The following PXDNL variants were observed in gnomAD, a reference collection of about 807,000 sequenced individuals.
The protein encoded by PXDNL is probable oxidoreductase PXDNL.
A neutral mutation model predicts 150.8 loss-of-function variants in PXDNL; 145 were observed. The ratio of observed to expected loss-of-function variants is 0.96; its 90% CI spans 0.84 to 1.10. The LOEUF is 1.10. PXDNL is among the 50% of genes least tolerant of loss of function. The pLI is 0.00. For synonymous variants in PXDNL, 757 were observed against 725.7 expected (o/e 1.04, Z -0.69); for missense variants, 2,087 against 1,873.9 (o/e 1.11, Z -2.10).
At chr8:51,648,624 T>A (rs1045616997) in intron 2 of PXDNL, among the ~76,000 whole-genome samples, 3 of 152,244 alleles carry the variant, frequency 2.0e-5, no homozygotes, top group Admixed American at 2.0e-4. Flanking sequence ...TTTGGTGATT[T>A]TTTTTAAAGC....
intron 2 of PXDNL, among the ~76,000 whole-genome samples, chr8:51,652,587 T>G (rs1021904094): frequency 2.6e-5 from 4 of 152,164 alleles, no homozygotes; most frequent in African/African-American, 9.7e-5. Context: ...GTCCAGCAGT[T>G]AACAGATCAA....
chr8:51,780,346 G>C (rs372148741), intron 1 of PXDNL, among the ~76,000 whole-genome samples: 1 of 152,182 alleles, frequency 6.6e-6, no homozygotes, highest in Admixed American at 6.5e-5. Flanking sequence ...CCACCAAAAT[G>C]AAATAATATA....
intron 19 of PXDNL, among the ~76,000 whole-genome samples, chr8:51,357,795 T>A (rs1006772479): frequency 6.6e-6 from 1 of 152,204 alleles, no homozygotes; most frequent in African/African-American, 2.4e-5. Flanking sequence ...TGTTTTTGAG[T>A]AGGTAAGAAA....
At chr8:51,433,288 T>C (rs1007363443) in intron 12 of PXDNL, among the ~76,000 whole-genome samples, 1 of 150,974 alleles carries the variant, frequency 6.6e-6, no homozygotes, top group African/African-American at 2.4e-5. Context: ...AATGTAATTT[T>C]CTATTGTTTT....
chr8:51,560,593 T>C (rs1352215611), intron 3 of PXDNL, among the ~76,000 whole-genome samples: 2 of 151,898 alleles, frequency 1.3e-5, no homozygotes, highest in African/African-American at 4.8e-5. Flanking sequence ...TTGGGAAAAC[T>C]AGCTCTCCAC....
At chr8:51,523,458 GCTA>G (rs1184492812) in intron 4 of PXDNL, among the ~76,000 whole-genome samples, 3 of 152,162 alleles carry the variant, frequency 2.0e-5, no homozygotes, top group Non-Finnish European at 4.4e-5. Context: ...ATTGTGTTCT[GCTA>G]CTAACTTATC....
chr8:51,641,464 G>A (rs1814753326), intron 2 of PXDNL, among the ~76,000 whole-genome samples: 1 of 151,874 alleles, frequency 6.6e-6, no homozygotes, highest in South Asian at 2.1e-4. Flanking sequence ...ATCTGACAAA[G>A]GGCTAATATT....
intron 1 of PXDNL, among the ~76,000 whole-genome samples, chr8:51,783,345 T>C (rs2129250613): frequency 6.6e-6 from 1 of 152,356 alleles, no homozygotes; most frequent in East Asian, 1.9e-4. Flanking sequence ...CTTCTGCTGC[T>C]GAGTCGAATA....
At chr8:51,637,647 G>A (rs552966344) in intron 2 of PXDNL, among the ~76,000 whole-genome samples, 9 of 152,252 alleles carry the variant, frequency 5.9e-5, no homozygotes, top group African/African-American at 1.7e-4. Flanking sequence ...GAGAAGTTTA[G>A]AGAAAAAAGA....
At chr8:51,426,622 C>T (rs759681092) in intron 13 of PXDNL, 24 bp downstream of exon 13, 68 of 1,293,618 alleles carry the variant, frequency 5.3e-5, no homozygotes, top group Non-Finnish European at 7.1e-5. Context: ...TTTAATATTA[C>T]TGTACTTTTA....
intron 1 of PXDNL, among the ~76,000 whole-genome samples, chr8:51,689,817 C>T (rs1346646184): frequency 2.6e-5 from 4 of 152,204 alleles, no homozygotes; most frequent in African/African-American, 9.6e-5. Flanking sequence ...TCCACTGAGG[C>T]ACAGTGTGGG....
At chr8:51,647,491 C>T (rs972973991) in intron 2 of PXDNL, among the ~76,000 whole-genome samples, 1 of 152,110 alleles carries the variant, frequency 6.6e-6, no homozygotes, top group African/African-American at 2.4e-5. Flanking sequence ...ACTGTGCAAG[C>T]CTTTTGAAAA....
chr8:51,488,358 G>A (rs1407264058), intron 5 of PXDNL, among the ~76,000 whole-genome samples: 1 of 152,132 alleles, frequency 6.6e-6, no homozygotes, highest in African/African-American at 2.4e-5. Context: ...AACAGTTACG[G>A]CAGGGGCAGA....
At chr8:51,426,863 C>A in intron 12 of PXDNL, 105 bp from the exon 13 acceptor site, 4 of 631,692 alleles carry the variant, frequency 6.3e-6, no homozygotes, top group Admixed American at 3.0e-5. Context: ...TGGTTAAGCA[C>A]ACTAGTTTTT....
chr8:51,414,544 G>C (rs1468004980), intron 14 of PXDNL, among the ~76,000 whole-genome samples: 1 of 151,572 alleles, frequency 6.6e-6, no homozygotes, highest in Admixed American at 6.6e-5. Context: ...CAGCCTTTAT[G>C]ATGACCACAA....
chr8:51,743,906 A>AG (rs2036933640), intron 1 of PXDNL, among the ~76,000 whole-genome samples: 8 of 125,946 alleles, frequency 6.4e-5, no homozygotes, highest in South Asian at 2.9e-4. Context: ...CTGCTGAGAG[A>AG]GAAAGGAAGG....
intron 15 of PXDNL, 43 bp downstream of exon 15, chr8:51,413,107 G>T: frequency 8.4e-7 from 1 of 1,194,226 alleles, no homozygotes; most frequent in Non-Finnish European, 1.2e-6. Flanking sequence ...AAGTAGAACA[G>T]AAATGAAAAC....
At chr8:51,745,024 AAG>A (rs2036968190) in intron 1 of PXDNL, among the ~76,000 whole-genome samples, 1 of 149,662 alleles carries the variant, frequency 6.7e-6, no homozygotes, top group Non-Finnish European at 1.5e-5. Flanking sequence ...GGAAGAAAGA[AAG>A]AAATCAATTT....
chr8:51,377,818 G>A lies in PXDNL; in HGVS notation c.3558-3087C>T, dbSNP rs547024166. Among the ~76,000 whole-genome samples the A allele has an allele frequency of 2.8e-4, 42 of 152,306 alleles. No individual in the cohort carries two copies. The Middle Eastern group carries it at 0.014, about 49-fold the overall frequency. On this transcript the variant is annotated intron_variant, in intron 17 of 22. Transcript: ENST00000356297. ...CCTCCCCCACACCGCGGGCTCCTGC[G>A]CAGCCCCAGCCTCCCGGAGGAGCGC...
Sources: allele counts gnomAD v4.1 joint callset (sites outside exome capture counted in the v4.1 genomes callset), GRCh38; gene constraint gnomAD v4.1.1; transcripts MANE v1.5; gene names NCBI Gene and HGNC (gene_info 2026-07-23, HGNC 2026-07-21).